ATP6V1C2: variants seen among roughly 807,000 people sequenced by gnomAD.
ATP6V1C2 encodes the protein ATPase H+ transporting V1 subunit C2, also known as V-type proton ATPase subunit C 2.
Under a neutral mutation model 56.8 loss-of-function variants are expected in ATP6V1C2, and 45 were observed. The observed-to-expected ratio is 0.79, with a 90% CI of 0.62 to 1.02. The LOEUF is 1.02. Ranked by LOEUF, ATP6V1C2 falls within the 50% of genes least tolerant of loss-of-function variation. ATP6V1C2 has a pLI of 0.00. For missense variants in ATP6V1C2, 463 were observed against 519.7 expected (o/e 0.89, Z 1.06); for synonymous variants, 220 against 201.3 (o/e 1.09, Z -0.79).
intron 5 of ATP6V1C2, among the ~76,000 whole-genome samples, chr2:10,766,379 C>T (rs769474937): frequency 1.1e-4 from 16 of 152,262 alleles, no homozygotes; most frequent in Non-Finnish European, 1.9e-4. Flanking sequence ...ACAATAATTC[C>T]AGGCCACTTT....
At chr2:10,767,703 C>T (rs1664316770) in intron 5 of ATP6V1C2, among the ~76,000 whole-genome samples, 1 of 152,188 alleles carries the variant, frequency 6.6e-6, no homozygotes, top group South Asian at 2.1e-4. Context: ...GGTGATCTGC[C>T]CGCCTCGGCC....
chr2:10,766,811 T>TA (rs58439128), intron 5 of ATP6V1C2, among the ~76,000 whole-genome samples: 4,751 of 152,258 alleles, frequency 0.031, 275 homozygotes, highest in African/African-American at 0.11. Context: ...AGTTGTACAG[T>TA]ATACTTCTAT....
At chr2:10,769,614 G>A (rs950719137) in intron 6 of ATP6V1C2, among the ~76,000 whole-genome samples, 21 of 152,150 alleles carry the variant, frequency 1.4e-4, no homozygotes, top group Non-Finnish European at 2.6e-4. Context: ...TGAGGCACGA[G>A]GATCACTTGA....
intron 3 of ATP6V1C2, among the ~76,000 whole-genome samples, chr2:10,744,583 C>T (rs116014064): frequency 0.01 from 1,566 of 151,296 alleles, 26 homozygotes; most frequent in African/African-American, 0.036. Context: ...AGGGGAAATT[C>T]TAGTATCTGA....
intron 3 of ATP6V1C2, among the ~76,000 whole-genome samples, chr2:10,739,684 A>G (rs1167012340): frequency 6.6e-6 from 1 of 152,186 alleles, no homozygotes; most frequent in African/African-American, 2.4e-5. Context: ...GCCCACTATT[A>G]AAGCCCACTG....
intron 13 of ATP6V1C2, 108 bp from the exon 14 acceptor site, chr2:10,783,066 C>G: frequency 1.3e-6 from 1 of 774,762 alleles, no homozygotes; most frequent in Non-Finnish European, 2.3e-6. Context: ...ACCACAGCTA[C>G]GCAGAGCAGA....
chr2:10,775,809 T>A (rs1401262667), intron 10 of ATP6V1C2, among the ~76,000 whole-genome samples: 3 of 152,036 alleles, frequency 2.0e-5, no homozygotes, highest in Non-Finnish European at 4.4e-5. Context: ...CTGGGTGGAA[T>A]GTTTTTGGGA....
chr2:10,766,321 A>G (rs373209327), intron 5 of ATP6V1C2, among the ~76,000 whole-genome samples: 5 of 152,172 alleles, frequency 3.3e-5, no homozygotes, highest in African/African-American at 7.2e-5. Flanking sequence ...AGAGGTCTCA[A>G]TCTATCAACT....
chr2:10,781,477 CAA>C (rs112137462), intron 12 of ATP6V1C2, among the ~76,000 whole-genome samples: 1 of 144,220 alleles, frequency 6.9e-6, no homozygotes. Context: ...GATTCTGTCT[CAA>C]AAAAAAAAAT....
At chr2:10,761,941 C>T (rs1300201939) in intron 4 of ATP6V1C2, among the ~76,000 whole-genome samples, 3 of 152,262 alleles carry the variant, frequency 2.0e-5, no homozygotes, top group African/African-American at 7.2e-5. Flanking sequence ...GGTTGCCGGG[C>T]AGGTTCCACC....
At chr2:10,782,537 T>TAA (rs759672034) in intron 13 of ATP6V1C2, among the ~76,000 whole-genome samples, 162 bp downstream of exon 13, 1 of 148,708 alleles carries the variant, frequency 6.7e-6, no homozygotes, top group Non-Finnish European at 1.5e-5. Context: ...CTGTCTCTAC[T>TAA]AAAAAAAAAA....
At chr2:10,778,727 A>T in intron 12 of ATP6V1C2, 58 bp downstream of exon 12, 3 of 1,544,654 alleles carry the variant, frequency 1.9e-6, no homozygotes, top group Non-Finnish European at 2.7e-6. Context: ...GGTCTGGGGG[A>T]GCTATCGGGG....
chr2:10,762,723 T>C (rs1663988129), intron 4 of ATP6V1C2, among the ~76,000 whole-genome samples: 1 of 151,914 alleles, frequency 6.6e-6, no homozygotes, highest in African/African-American at 2.4e-5. Context: ...CCCACCTCCA[T>C]GGCTGCCCGG....
At chr2:10,730,957 AT>A (rs201132896) in intron 3 of ATP6V1C2, among the ~76,000 whole-genome samples, 2 of 130,876 alleles carry the variant, frequency 1.5e-5, no homozygotes, top group East Asian at 2.3e-4. Context: ...CCTGCCAACA[AT>A]TTTTTTTTTC....
chr2:10,777,537 G>A (rs1665073853), intron 10 of ATP6V1C2, 48 bp from the exon 11 acceptor site: 2 of 1,593,290 alleles, frequency 1.3e-6, no homozygotes, highest in Non-Finnish European at 1.7e-6. Context: ...TTATTTGTTT[G>A]TGATGCATGT....
chr2:10,771,929 C>A lies in ATP6V1C2; in HGVS notation c.561C>A (p.Ile187=). 1.9e-6 allele frequency: 3 copies of A among 1,613,810 alleles called. No individual in the cohort carries two copies. The highest frequency in any genetic ancestry group is 2.5e-6 in the Non-Finnish European group (3 of 1,179,708). The change falls in exon 7 of 14, where the codon ATC becomes ATA. Residue 187 remains isoleucine, a synonymous_variant. Coordinates refer to ENST00000272238, the MANE Select transcript of ATP6V1C2 (RefSeq NM_001039362.2). The part of the protein sequence containing the change: ...DSEYLVTLLV[I]VPKPNYSQWQ... ...AATATCTCGTCACACTTCTGGTCAT[C>A]GTCCCCAAGTGAGTGCTGGGCGATC...
At chr2:10,761,542 A>G (rs1382830737) in intron 4 of ATP6V1C2, among the ~76,000 whole-genome samples, 1 of 152,164 alleles carries the variant, frequency 6.6e-6, no homozygotes, top group Non-Finnish European at 1.5e-5. Context: ...TACCCAAACT[A>G]ATACCAATGT....
intron 3 of ATP6V1C2, among the ~76,000 whole-genome samples, chr2:10,739,297 TA>T (rs1403786911): frequency 9.2e-5 from 14 of 151,756 alleles, no homozygotes; most frequent in African/African-American, 3.4e-4. Flanking sequence ...AATAAATAAA[TA>T]AATAAATAAA....
chr2:10,758,268 G>A (rs374661497), intron 4 of ATP6V1C2, among the ~76,000 whole-genome samples: 2 of 152,262 alleles, frequency 1.3e-5, no homozygotes, highest in Admixed American at 1.3e-4. Context: ...TATGTTTTAC[G>A]CAAAATTAAT....
Sources: gnomAD v4.1 joint callset for allele counts (sites outside exome capture counted in the v4.1 genomes callset) on GRCh38, gnomAD v4.1.1 for gene constraint, MANE v1.5 for transcripts, NCBI Gene and HGNC (gene_info 2026-07-23, HGNC 2026-07-21) for gene names.